Variants in ASTN2 observed in about 807,000 individuals in gnomAD.
ASTN2 encodes astrotactin 2.
Under a neutral mutation model 139.8 loss-of-function variants are expected in ASTN2, and 54 were observed. The observed-to-expected ratio is 0.39, with a 90% CI of 0.31 to 0.48. The LOEUF (loss-of-function observed/expected upper bound fraction) is 0.48, where lower values mean the gene tolerates loss of function less well. Among genes scored for constraint, ASTN2 ranks in the 20% least tolerant of loss-of-function variants. ASTN2 has a pLI of 0.95. For synonymous variants in ASTN2, 756 were observed against 719.5 expected (o/e 1.05, Z -0.81); for missense variants, 1,565 against 1,725.1 (o/e 0.91, Z 1.64).
At chr9:116,887,726 G>A (rs79295274) in intron 10 of ASTN2, among the ~76,000 whole-genome samples, 14,738 of 152,114 alleles carry the variant, frequency 0.097, 1,004 homozygotes, top group East Asian at 0.36. Flanking sequence ...GGAGTGCAAT[G>A]GCATGATCTT....
intron 4 of ASTN2, among the ~76,000 whole-genome samples, chr9:117,105,243 C>T (rs1829074880): frequency 6.6e-6 from 1 of 152,066 alleles, no homozygotes; most frequent in Non-Finnish European, 1.5e-5. Flanking sequence ...AGAGATAGAA[C>T]CTGAAAAGCA....
intron 10 of ASTN2, among the ~76,000 whole-genome samples, chr9:116,971,205 C>G (rs1237438875): frequency 6.6e-6 from 1 of 152,184 alleles, no homozygotes; most frequent in African/African-American, 2.4e-5. Context: ...ACCTTTGTAG[C>G]TGGCATCGTT....
intron 1 of ASTN2, among the ~76,000 whole-genome samples, chr9:117,374,663 A>T (rs1830074259): frequency 6.6e-6 from 1 of 152,186 alleles, no homozygotes; most frequent in Non-Finnish European, 1.5e-5. Flanking sequence ...ATGTCATTTT[A>T]TTAATCCTCC....
chr9:116,669,017 A>G (rs1274483285), intron 16 of ASTN2, among the ~76,000 whole-genome samples: 1 of 152,164 alleles, frequency 6.6e-6, no homozygotes, highest in Admixed American at 6.5e-5. Flanking sequence ...GTAGGAGGTG[A>G]GACTCAGCTC....
Position 117,414,683 on chromosome 9 carries a change from C to A in ASTN2, c.256G>T (p.Ala86Ser), listed in dbSNP as rs948424647. ...LRESDIGWSG[A>S]RAGAGAGTGA... is the part of the protein sequence containing the mutation. Reference sequence around the variant, plus strand: ...GTCCCAGCCCCGGCCCCGGCGCGGGCGCCGCTCCAGCCGATGTCGCTCTCC... The same window carrying A: ...GTCCCAGCCCCGGCCCCGGCGCGGGAGCCGCTCCAGCCGATGTCGCTCTCC... Residue 86 changes from alanine (A) to serine (S), a missense_variant, in exon 1 of 23, where the codon GCC becomes TCC. Physicochemically the swap from Ala to Ser is moderately conservative, Grantham distance 99. This residue lies in a region of ASTN2 where 596 missense variants were observed against 576.8 expected (regional missense o/e 1.03). Transcript: ENST00000313400. This position sits in a 1 kb window ranked among gnomAD's most constrained non-coding sequence, Gnocchi z 4.2. The A allele has an allele frequency of 4.0e-6, 5 of 1,249,878 alleles. No homozygotes were observed. The highest frequency in any genetic ancestry group is 5.0e-6 in the Non-Finnish European group (5 of 1,000,336). The allele number at this position is 1,249,878 out of a possible 1,614,324, so 77.4% of individuals were successfully genotyped here.
chr9:116,634,720 T>C (rs927191467), intron 17 of ASTN2, among the ~76,000 whole-genome samples: 1 of 152,174 alleles, frequency 6.6e-6, no homozygotes, highest in African/African-American at 2.4e-5. Context: ...TTCTTTGTAA[T>C]ATTTTCTATT....
At chr9:117,351,024 G>A (rs1485622821) in intron 1 of ASTN2, among the ~76,000 whole-genome samples, 1 of 152,190 alleles carries the variant, frequency 6.6e-6, no homozygotes, top group African/African-American at 2.4e-5. Context: ...GACTGAAGGT[G>A]GAAGCCTGCT....
At chr9:116,724,118 G>A (rs1448485325) in intron 16 of ASTN2, among the ~76,000 whole-genome samples, 1 of 152,214 alleles carries the variant, frequency 6.6e-6, no homozygotes, top group African/African-American at 2.4e-5. Context: ...AGCCCCAAAC[G>A]TGGTATGAAG....
chr9:116,581,009 T>C (rs1388543208), intron 19 of ASTN2, among the ~76,000 whole-genome samples: 1 of 152,030 alleles, frequency 6.6e-6, no homozygotes, highest in African/African-American at 2.4e-5. Context: ...ACAAGTGAAT[T>C]GAAGTTTTGT....
intron 4 of ASTN2, among the ~76,000 whole-genome samples, chr9:117,101,459 T>G (rs1188873185): frequency 6.6e-6 from 1 of 152,040 alleles, no homozygotes; most frequent in Non-Finnish European, 1.5e-5. Context: ...GAAGAGGTAA[T>G]CTATCTGCTG....
At chr9:117,208,071 A>T (rs1831996807) in intron 3 of ASTN2, among the ~76,000 whole-genome samples, 1 of 152,210 alleles carries the variant, frequency 6.6e-6, no homozygotes, top group Admixed American at 6.5e-5. Flanking sequence ...ACATGCTAAG[A>T]AATCAACATA....
chr9:116,947,628 A>G (rs1835434115), intron 10 of ASTN2, among the ~76,000 whole-genome samples: 1 of 152,194 alleles, frequency 6.6e-6, no homozygotes, highest in South Asian at 2.1e-4. Context: ...AAAGCATAAA[A>G]TTTGGATTCA....
intron 5 of ASTN2, among the ~76,000 whole-genome samples, chr9:117,076,858 A>AT (rs1233415104): frequency 2.0e-5 from 3 of 151,902 alleles, no homozygotes; most frequent in African/African-American, 7.3e-5. Context: ...CTGCCTCTAT[A>AT]TTTTTTTCCT....
intron 19 of ASTN2, among the ~76,000 whole-genome samples, chr9:116,607,670 A>AACACACACACACAC (rs57512218): frequency 7.3e-6 from 1 of 136,284 alleles, no homozygotes; most frequent in Non-Finnish European, 1.6e-5. Flanking sequence ...TTAAGAAATT[A>AACACACACACACAC]ACACACACAC....
At chr9:116,892,274 C>G (rs1441208156) in intron 10 of ASTN2, among the ~76,000 whole-genome samples, 1 of 152,210 alleles carries the variant, frequency 6.6e-6, no homozygotes, top group Non-Finnish European at 1.5e-5. Flanking sequence ...TTGATTCAGT[C>G]TAACGTCTCT....
At chr9:117,057,610 G>A (rs10121734) in intron 5 of ASTN2, among the ~76,000 whole-genome samples, 26,414 of 152,148 alleles carry the variant, frequency 0.17, 2,537 homozygotes, top group African/African-American at 0.24. Flanking sequence ...AAGTGTATAA[G>A]AATTGAGATC....
intron 19 of ASTN2, among the ~76,000 whole-genome samples, chr9:116,522,679 A>T (rs1446926232): frequency 6.6e-6 from 1 of 152,088 alleles, no homozygotes; most frequent in Non-Finnish European, 1.5e-5. Flanking sequence ...AACATAAACA[A>T]TTTTTTTAAA....
intron 13 of ASTN2, among the ~76,000 whole-genome samples, chr9:116,763,848 C>T (rs534711663): frequency 3.9e-5 from 6 of 152,278 alleles, no homozygotes; most frequent in Admixed American, 1.3e-4. Flanking sequence ...ATGCAAAGCA[C>T]TGAGCTAGGC....
chr9:116,467,849 T>G (rs1260086312), intron 20 of ASTN2, among the ~76,000 whole-genome samples: 1 of 152,228 alleles, frequency 6.6e-6, no homozygotes, highest in Non-Finnish European at 1.5e-5. Context: ...TTGTTATCAT[T>G]AGCAGGACTG....
Sources: allele counts gnomAD v4.1 joint callset (sites outside exome capture counted in the v4.1 genomes callset), GRCh38; gene constraint gnomAD v4.1.1; regional missense constraint gnomAD v4.1.1; non-coding constraint Gnocchi (gnomAD v3.1); transcripts MANE v1.5; gene names NCBI Gene and HGNC (gene_info 2026-07-23, HGNC 2026-07-21).